Variants in USH2A observed in about 807,000 individuals in gnomAD.
The protein encoded by USH2A is Usher syndrome 2A (autosomal recessive, mild).
USH2A carries 443 observed loss-of-function variants against 538.9 expected under a neutral mutation model. That is an observed-to-expected ratio of 0.82 (90% CI 0.76 to 0.89). USH2A has a LOEUF of 0.89. Ranked by LOEUF, USH2A falls within the 40% of genes least tolerant of loss-of-function variation. USH2A has a pLI of 0.00. For missense variants in USH2A, 6,633 were observed against 6,324.8 expected (o/e 1.05, Z -1.65); for synonymous variants, 2,413 against 2,273.5 (o/e 1.06, Z -1.75).
At chr1:216,076,457 G>A (rs2031753501) in intron 27 of USH2A, among the ~76,000 whole-genome samples, 1 of 152,052 alleles carries the variant, frequency 6.6e-6, no homozygotes, top group Admixed American at 6.6e-5. Context: ...ACCATCAATA[G>A]TAATGGGTTT....
chr1:215,884,199 A>T (rs908072934), intron 41 of USH2A, among the ~76,000 whole-genome samples: 1 of 152,376 alleles, frequency 6.6e-6, no homozygotes, highest in Admixed American at 6.5e-5. Flanking sequence ...AGAAACCTGC[A>T]CGTTCTGTAC....
At position 216,200,252 on chromosome 1, in the gene USH2A, A is replaced by C. The variant is rs529767599; in HGVS notation, c.3317-131T>G. Reference sequence around the variant, plus strand: ...AATCTACTCTTTTGATTAAGGATACATTTCATATTTTTAAAATTGAAATAA... The same window carrying C: ...AATCTACTCTTTTGATTAAGGATACCTTTCATATTTTTAAAATTGAAATAA... On this transcript the variant is annotated intron_variant, in intron 16 of 71. Transcript: ENST00000307340. The C allele has an allele frequency of 3.1e-4, 310 of 985,802 alleles. 2 individuals are homozygous for C. The South Asian group carries it at 5.0e-3, about 16-fold the overall frequency. The allele number at this position is 985,802 out of a possible 1,614,324, so 61.1% of individuals were successfully genotyped here.
chr1:216,097,417 C>T (rs1369252793), intron 21 of USH2A, among the ~76,000 whole-genome samples: 1 of 152,144 alleles, frequency 6.6e-6, no homozygotes, highest in African/African-American at 2.4e-5. Context: ...ATCTTATGCC[C>T]ACATTCCTGC....
intron 11 of USH2A, among the ~76,000 whole-genome samples, chr1:216,254,778 A>G (rs529523670): frequency 1.3e-5 from 2 of 152,286 alleles, no homozygotes; most frequent in East Asian, 3.9e-4. Context: ...CTAATCACAG[A>G]CAAATGAGAG....
chr1:216,220,877 AAG>A (rs2035445094), intron 14 of USH2A, among the ~76,000 whole-genome samples: 1 of 152,136 alleles, frequency 6.6e-6, no homozygotes, highest in Admixed American at 6.5e-5. Flanking sequence ...GGGGATGATG[AAG>A]ACATCATTCA....
At position 215,832,074 on chromosome 1, in the gene USH2A, A is replaced by G. The variant is rs559644481; in HGVS notation, c.9371+5917T>C. Among the ~76,000 whole-genome samples the G allele has an allele frequency of 7.9e-5, 12 of 152,114 alleles. No homozygotes were observed. In the South Asian group the frequency reaches 1.9e-3, roughly 24 times the overall value. ...AAATTAACCTATTTTCTGCACCCAC[A>G]AGATGACTAAACTCACTGGAGAATA... On this transcript the variant is annotated intron_variant, in intron 47 of 71. Coordinates refer to ENST00000307340, the MANE Select transcript of USH2A (RefSeq NM_206933.4).
chr1:216,174,147 C>A, intron 21 of USH2A: 1 of 985,048 alleles, frequency 1.0e-6, no homozygotes, highest in Non-Finnish European at 1.2e-6. Flanking sequence ...AAACTATTTA[C>A]TATTTTAAGT....
intron 3 of USH2A, among the ~76,000 whole-genome samples, chr1:216,367,421 A>AAATGT (rs2038619536): frequency 6.6e-6 from 1 of 152,194 alleles, no homozygotes; most frequent in Admixed American, 6.5e-5. Flanking sequence ...ATTCAAATAA[A>AAATGT]AATGTTGTCT....
At chr1:215,928,900 T>C (rs1666299059) in intron 38 of USH2A, among the ~76,000 whole-genome samples, 1 of 152,138 alleles carries the variant, frequency 6.6e-6, no homozygotes, top group South Asian at 2.1e-4. Flanking sequence ...TAGTCATTAA[T>C]ATATTATTCC....
chr1:215,660,142 A>G (rs1206804020), intron 64 of USH2A, among the ~76,000 whole-genome samples: 1 of 152,214 alleles, frequency 6.6e-6, no homozygotes, highest in Non-Finnish European at 1.5e-5. Context: ...CTGAATCTTA[A>G]GGTTCGAATT....
At chr1:216,384,321 C>CA (rs1347185190) in intron 3 of USH2A, among the ~76,000 whole-genome samples, 1 of 151,620 alleles carries the variant, frequency 6.6e-6, no homozygotes, top group African/African-American at 2.4e-5. Context: ...TACCCAGAAG[C>CA]AAAAAATACA....
chr1:215,988,277 A>C (rs1667919497), intron 35 of USH2A, among the ~76,000 whole-genome samples: 1 of 151,964 alleles, frequency 6.6e-6, no homozygotes, highest in Admixed American at 6.6e-5. Context: ...AAGTGCAATC[A>C]TGCAGTATTT....
At chr1:216,404,587 A>T (rs2039360392) in intron 3 of USH2A, among the ~76,000 whole-genome samples, 2 of 151,804 alleles carry the variant, frequency 1.3e-5, no homozygotes, top group African/African-American at 4.8e-5. Context: ...CTCACACCTT[A>T]AAAAAATATT....
intron 46 of USH2A, among the ~76,000 whole-genome samples, chr1:215,838,471 T>A (rs1333094715): frequency 6.6e-6 from 1 of 152,216 alleles, no homozygotes; most frequent in Non-Finnish European, 1.5e-5. Context: ...TCTAAATCTA[T>A]AACTAAGTAG....
In USH2A at chr1:216,145,889, T is replaced by C. The variant is rs1393470516; in HGVS notation, c.4627+29363A>G. Among the ~76,000 whole-genome samples, 6 of 151,884 alleles carry C rather than the reference T, an allele frequency of 4.0e-5. No homozygotes were observed. In the South Asian group the frequency reaches 1.2e-3, roughly 32 times the overall value. On this transcript the variant is annotated intron_variant, in intron 21 of 71. Transcript: ENST00000307340. ...TGCCAGAGAACAAACCCCCTTTGACTGTAATTTTCCTTTACCTACCCAAAT... is the reference window on the plus strand; with the variant it reads ...TGCCAGAGAACAAACCCCCTTTGACCGTAATTTTCCTTTACCTACCCAAAT...
At chr1:215,798,058 G>A (rs1222723632) in intron 50 of USH2A, among the ~76,000 whole-genome samples, 2 of 152,100 alleles carry the variant, frequency 1.3e-5, no homozygotes, top group Non-Finnish European at 2.9e-5. Flanking sequence ...GATGACTAAG[G>A]GGTTTTAGAC....
chr1:215,649,230 A>T (rs1462311247), intron 65 of USH2A, among the ~76,000 whole-genome samples: 1 of 152,202 alleles, frequency 6.6e-6, no homozygotes, highest in East Asian at 1.9e-4. Context: ...ATCTTTTCAG[A>T]TCTACATTAA....
At chr1:216,194,822 G>A (rs2102456920) in intron 19 of USH2A, among the ~76,000 whole-genome samples, 1 of 152,208 alleles carries the variant, frequency 6.6e-6, no homozygotes, top group East Asian at 1.9e-4. Context: ...AATATGGAAT[G>A]CTGCCAGTTT....
chr1:216,149,163 T>G (rs937467644), intron 21 of USH2A, among the ~76,000 whole-genome samples: 81 of 152,238 alleles, frequency 5.3e-4, no homozygotes, highest in East Asian at 3.9e-4. Context: ...TTGACCTTAC[T>G]GTTTTAACCT....
Sources: gnomAD v4.1 joint callset for allele counts (sites outside exome capture counted in the v4.1 genomes callset) on GRCh38, gnomAD v4.1.1 for gene constraint, MANE v1.5 for transcripts, NCBI Gene and HGNC (gene_info 2026-07-23, HGNC 2026-07-21) for gene names.